CACNA2D3: variants seen among roughly 807,000 people sequenced by gnomAD.
The protein encoded by CACNA2D3 is calcium voltage-gated channel auxiliary subunit alpha2delta 3, also known as voltage-dependent calcium channel subunit alpha-2/delta-3.
CACNA2D3 carries 60 observed loss-of-function variants against 160.6 expected under a neutral mutation model. The ratio of observed to expected loss-of-function variants is 0.37; its 90% CI spans 0.30 to 0.46. CACNA2D3 has a LOEUF of 0.46. Among genes scored for constraint, CACNA2D3 ranks in the 20% least tolerant of loss-of-function variants. The pLI is 1.00. For missense variants in CACNA2D3, 1,205 were observed against 1,365.0 expected, an observed-to-expected ratio of 0.88 and a Z score of 1.85; for synonymous variants, 558 against 492.9, an observed-to-expected ratio of 1.13 and a Z score of -1.75.
chr3:54,805,902 G>A (rs1175299781), intron 13 of CACNA2D3, among the ~76,000 whole-genome samples: 3 of 151,962 alleles, frequency 2.0e-5, no homozygotes, highest in African/African-American at 7.3e-5. Context: ...TTCAATATAT[G>A]CAAATCAATA....
Position 54,391,438 on chromosome 3 carries a change from A to G in CACNA2D3, c.381+4664A>G, listed in dbSNP as rs565464220. Among the ~76,000 whole-genome samples, 5 of 152,190 alleles carry G rather than the reference A, an allele frequency of 3.3e-5. No individual in the cohort carries two copies. In the South Asian group the frequency reaches 1.0e-3, roughly 32 times the overall value. On this transcript the variant is annotated intron_variant, in intron 4 of 37. Transcript: ENST00000474759. ...AGGATAGCATGTGTGAACAAACCAA[A>G]ATGCAGAATCCTCCATAGAAAACAG...
intron 35 of CACNA2D3, among the ~76,000 whole-genome samples, chr3:55,059,560 G>T (rs1704451699): frequency 6.6e-6 from 1 of 152,024 alleles, no homozygotes; most frequent in African/African-American, 2.4e-5. Flanking sequence ...CCCCACGGTG[G>T]CAACTAAGGT....
At chr3:54,303,472 C>G (rs1651445100) in intron 2 of CACNA2D3, among the ~76,000 whole-genome samples, 1 of 152,196 alleles carries the variant, frequency 6.6e-6, no homozygotes, top group Non-Finnish European at 1.5e-5. Flanking sequence ...TATCAAGTCT[C>G]TCACTGGAGC....
At chr3:54,635,876 G>T (rs909026088) in intron 10 of CACNA2D3, among the ~76,000 whole-genome samples, 1 of 152,010 alleles carries the variant, frequency 6.6e-6, no homozygotes, top group African/African-American at 2.4e-5. Flanking sequence ...CTGACAGAAC[G>T]GAAGAAATGA....
chr3:55,014,498 G>A (rs1467329441), intron 34 of CACNA2D3, among the ~76,000 whole-genome samples: 1 of 152,182 alleles, frequency 6.6e-6, no homozygotes, highest in Non-Finnish European at 1.5e-5. Flanking sequence ...GGGAAGCCAA[G>A]GTGGGCGGAT....
At chr3:54,127,146 C>G (rs573130962) in intron 2 of CACNA2D3, among the ~76,000 whole-genome samples, 1 of 152,246 alleles carries the variant, frequency 6.6e-6, no homozygotes, top group African/African-American at 2.4e-5. Context: ...CCAATGTTCA[C>G]GGGAATGAAG....
chr3:54,746,910 C>G (rs1701762074), intron 11 of CACNA2D3, among the ~76,000 whole-genome samples: 1 of 152,124 alleles, frequency 6.6e-6, no homozygotes, highest in Non-Finnish European at 1.5e-5. Flanking sequence ...GTTAGCTAAT[C>G]CTGCTTGCCA....
At chr3:54,705,968 A>G (rs1700849805) in intron 11 of CACNA2D3, among the ~76,000 whole-genome samples, 2 of 152,306 alleles carry the variant, frequency 1.3e-5, no homozygotes, top group Middle Eastern at 3.4e-3. Context: ...TCATAAAACA[A>G]TAGAATGATC....
chr3:54,689,937 T>C (rs1700542675), intron 11 of CACNA2D3, among the ~76,000 whole-genome samples: 1 of 152,106 alleles, frequency 6.6e-6, no homozygotes, highest in Admixed American at 6.5e-5. Flanking sequence ...GCTAGTTCCT[T>C]AGAAAAAACC....
chr3:55,051,960 C>G (rs574109474), intron 35 of CACNA2D3, among the ~76,000 whole-genome samples: 2 of 152,292 alleles, frequency 1.3e-5, no homozygotes, highest in African/African-American at 4.8e-5. Flanking sequence ...CGCCCTGCTT[C>G]GCCTCGTGCA....
At chr3:54,123,718 G>A (rs745673915) in intron 2 of CACNA2D3, 124 bp downstream of exon 2, 4 of 796,756 alleles carry the variant, frequency 5.0e-6, no homozygotes, top group Non-Finnish European at 8.8e-6. Flanking sequence ...TCTGATCCCC[G>A]GGTTTCTTGG....
intron 2 of CACNA2D3, among the ~76,000 whole-genome samples, chr3:54,167,062 C>T (rs1012458682): frequency 6.6e-6 from 1 of 152,268 alleles, no homozygotes; most frequent in Non-Finnish European, 1.5e-5. Flanking sequence ...AAGCATCTTA[C>T]TCCCTTTGCG....
intron 17 of CACNA2D3, among the ~76,000 whole-genome samples, chr3:54,868,927 C>T (rs1023514221): frequency 6.6e-6 from 1 of 152,170 alleles, no homozygotes; most frequent in Non-Finnish European, 1.5e-5. Flanking sequence ...TGCCATTTTA[C>T]ATACAATATT....
intron 4 of CACNA2D3, among the ~76,000 whole-genome samples, chr3:54,468,805 G>A (rs541922118): frequency 6.6e-6 from 1 of 152,298 alleles, no homozygotes; most frequent in Non-Finnish European, 1.5e-5. Flanking sequence ...TGTAAACAAA[G>A]CTGCTGGGAA....
intron 27 of CACNA2D3, among the ~76,000 whole-genome samples, chr3:54,915,893 CTGAGT>C (rs1483481904): frequency 1.3e-5 from 2 of 152,132 alleles, no homozygotes; most frequent in Non-Finnish European, 1.5e-5. Context: ...GTCTGTTTGC[CTGAGT>C]TATCATCTGT....
intron 2 of CACNA2D3, among the ~76,000 whole-genome samples, chr3:54,206,296 A>G (rs566302800): frequency 6.6e-6 from 1 of 152,326 alleles, no homozygotes; most frequent in East Asian, 1.9e-4. Flanking sequence ...TGAGACACTG[A>G]GAAACGGTGG....
At chr3:54,422,099 G>T (rs763205478) in intron 4 of CACNA2D3, among the ~76,000 whole-genome samples, 60 of 152,306 alleles carry the variant, frequency 3.9e-4, no homozygotes, top group Middle Eastern at 3.4e-3. Flanking sequence ...TGCATGTCAG[G>T]GTTCACTGGT....
At chr3:54,634,880 A>G (rs549224040) in intron 10 of CACNA2D3, among the ~76,000 whole-genome samples, 160 of 151,968 alleles carry the variant, frequency 1.1e-3, no homozygotes, top group African/African-American at 3.7e-3. Context: ...ATCTGGGCAT[A>G]TACATGCAGG....
chr3:54,681,146 A>G (rs1422311049), intron 11 of CACNA2D3, among the ~76,000 whole-genome samples: 1 of 151,970 alleles, frequency 6.6e-6, no homozygotes, highest in East Asian at 1.9e-4. Context: ...AGACAGAGAG[A>G]GAAGAGAGAG....
Sources: allele counts gnomAD v4.1 joint callset (sites outside exome capture counted in the v4.1 genomes callset), GRCh38; gene constraint gnomAD v4.1.1; transcripts MANE v1.5; gene names NCBI Gene and HGNC (gene_info 2026-07-23, HGNC 2026-07-21).